Variants in SASH1 observed in about 807,000 individuals in gnomAD.
The protein encoded by SASH1 is SAM and SH3 domain-containing protein 1.
SASH1 carries 44 observed loss-of-function variants against 125.2 expected under a neutral mutation model. That is an observed-to-expected ratio of 0.35 (90% CI 0.28 to 0.45). The LOEUF (loss-of-function observed/expected upper bound fraction) is 0.45. Ranked by LOEUF, SASH1 falls within the 20% of genes least tolerant of loss-of-function variation. SASH1 has a pLI of 1.00. For missense variants in SASH1, 1,426 were observed against 1,614.5 expected (o/e 0.88, Z 2.00); for synonymous variants, 639 against 649.1 (o/e 0.98, Z 0.24).
chr6:148,536,835 G>C (rs1435551824), intron 16 of SASH1, among the ~76,000 whole-genome samples: 1 of 152,150 alleles, frequency 6.6e-6, no homozygotes, highest in Admixed American at 6.5e-5. Context: ...GGAGGGTATC[G>C]CTATCCATCA....
At chr6:148,294,160 T>A (rs995514082) in intron 1 of SASH1, among the ~76,000 whole-genome samples, 4 of 152,228 alleles carry the variant, frequency 2.6e-5, no homozygotes, top group Non-Finnish European at 5.9e-5. Flanking sequence ...AGAGGCGTGC[T>A]TGGATTTTGC....
At chr6:148,290,560 C>T (rs1407193872) in intron 1 of SASH1, among the ~76,000 whole-genome samples, 2 of 151,978 alleles carry the variant, frequency 1.3e-5, no homozygotes, top group African/African-American at 4.8e-5. Flanking sequence ...GAGCCAAGAT[C>T]GTGCCACTGC....
chr6:148,366,423 A>G (rs763528682), intron 1 of SASH1, among the ~76,000 whole-genome samples: 48 of 152,186 alleles, frequency 3.2e-4, no homozygotes, highest in Non-Finnish European at 5.6e-4. Context: ...CGAGCAGACA[A>G]CAGAACAAGA....
chr6:148,315,829 G>C lies in SASH1; in HGVS notation n.74+43452G>C, dbSNP rs538942603. On this transcript the variant is annotated intron_variant and non_coding_transcript_variant, in intron 1 of 3. Coordinates refer to the SASH1 transcript ENST00000367469. Reference sequence around the variant, plus strand: ...TGAGATAGAAGGATCACTTGAGCCTGGGAGGTCGAGGTTTCAGTGAGCCAT... The same window carrying C: ...TGAGATAGAAGGATCACTTGAGCCTCGGAGGTCGAGGTTTCAGTGAGCCAT... 8.7e-4 allele frequency among the ~76,000 whole-genome samples: 132 copies of C among 152,278 alleles called. No homozygotes were observed. In the Middle Eastern group the frequency reaches 0.01, roughly 12 times the overall value.
At chr6:148,346,853 C>T (rs1781538166) in intron 1 of SASH1, among the ~76,000 whole-genome samples, 1 of 152,184 alleles carries the variant, frequency 6.6e-6, no homozygotes, top group African/African-American at 2.4e-5. Context: ...CCTTGGCGTT[C>T]TTGTGAAATG....
chr6:148,298,563 C>G (rs1779825120), intron 1 of SASH1, among the ~76,000 whole-genome samples: 1 of 150,050 alleles, frequency 6.7e-6, no homozygotes, highest in African/African-American at 2.5e-5. Flanking sequence ...ATCACTTGAG[C>G]CTGGGAGGTA....
intron 12 of SASH1, 57 bp from the exon 13 acceptor site, chr6:148,531,469 C>T: frequency 5.8e-6 from 8 of 1,383,624 alleles, no homozygotes; most frequent in Non-Finnish European, 7.6e-6. Context: ...CTGAGAATTA[C>T]AAAACAACAC....
At chr6:148,239,093 G>A in the SASH1 span, among the ~76,000 whole-genome samples, 1 of 152,144 alleles carries the variant, frequency 6.6e-6, no homozygotes, top group Non-Finnish European at 1.5e-5. Context: ...CTCTATCACG[G>A]GACCTCATTT....
At chr6:148,508,115 A>G (rs1166183758) in intron 8 of SASH1, among the ~76,000 whole-genome samples, 1 of 152,192 alleles carries the variant, frequency 6.6e-6, no homozygotes, top group East Asian at 1.9e-4. Context: ...CATTAAAACA[A>G]TTTGTTAAGA....
intron 7 of SASH1, 28 bp from the exon 8 acceptor site, chr6:148,487,586 T>C (rs765891628): frequency 1.3e-6 from 2 of 1,551,606 alleles, no homozygotes; most frequent in South Asian, 2.2e-5. Flanking sequence ...ATTCTTTCCA[T>C]TTCAGTATCC....
At position 148,361,368 on chromosome 6, in the gene SASH1, C is replaced by A. The variant is rs150868794; in HGVS notation, c.156+18145C>A. ...ATCCCAGCACTTTGGGAGGGCAAGG[C>A]GGGTGGATCACCTGAGGTCAGGAGT... On this transcript the variant is annotated intron_variant, in intron 1 of 19. Transcript: ENST00000367467. Among the ~76,000 whole-genome samples the A allele has an allele frequency of 1.8e-3, 272 of 152,182 alleles. 5 individuals are homozygous for A. The highest frequency in any genetic ancestry group is 4.3e-3 in the East Asian group (22 of 5,164).
the SASH1 span, among the ~76,000 whole-genome samples, chr6:148,254,310 G>C: frequency 6.6e-6 from 1 of 152,066 alleles, no homozygotes; most frequent in East Asian, 1.9e-4. Flanking sequence ...AATATACAAA[G>C]AGTGATAACA....
the SASH1 span, among the ~76,000 whole-genome samples, chr6:148,196,483 ACT>A: frequency 6.6e-6 from 1 of 152,052 alleles, no homozygotes; most frequent in African/African-American, 2.4e-5. Flanking sequence ...GACAGTGGTA[ACT>A]CTCTGCATAG....
chr6:148,508,154 A>G (rs2115300141), intron 8 of SASH1, among the ~76,000 whole-genome samples: 1 of 152,314 alleles, frequency 6.6e-6, no homozygotes, highest in South Asian at 2.1e-4. Context: ...TGAAGGGGAA[A>G]TATCCTACAT....
upstream of SASH1, among the ~76,000 whole-genome samples, chr6:148,341,138 A>C (rs1781308104): frequency 6.6e-6 from 1 of 151,846 alleles, no homozygotes; most frequent in Admixed American, 6.6e-5. Context: ...TCTCTAAAAA[A>C]ATTTTTCAGC....
rs189593428 is a variant in SASH1, at chr6:148,352,470, G to A, written c.156+9247G>A. 3.5e-3 allele frequency among the ~76,000 whole-genome samples: 534 copies of A among 152,014 alleles called. 3 individuals are homozygous for A. Among genetic ancestry groups the A allele is most frequent in the African/African-American group, 0.012 (505 of 41,488 alleles). Reference sequence around the variant, plus strand: ...AAATTAGCCAGGCATAGTGGCAGGCGCCTGTAGTCCCAGCTACTTAAGAGG... The same window carrying A: ...AAATTAGCCAGGCATAGTGGCAGGCACCTGTAGTCCCAGCTACTTAAGAGG... On this transcript the variant is annotated intron_variant, in intron 1 of 19. Transcript: ENST00000367467.
intron 17 of SASH1, among the ~76,000 whole-genome samples, chr6:148,542,514 G>A (rs1431391451): frequency 6.6e-6 from 1 of 152,152 alleles, no homozygotes; most frequent in Non-Finnish European, 1.5e-5. Context: ...AGCCTCCCGA[G>A]TAGCTGGGAC....
intron 7 of SASH1, among the ~76,000 whole-genome samples, chr6:148,474,717 G>A (rs1459570393): frequency 1.3e-5 from 2 of 152,252 alleles, no homozygotes; most frequent in Non-Finnish European, 1.5e-5. Context: ...GACCACAGGT[G>A]TGTGACACCA....
chr6:148,310,504 C>G (rs1364184212), intron 1 of SASH1, among the ~76,000 whole-genome samples: 2 of 148,522 alleles, frequency 1.3e-5, no homozygotes, highest in Non-Finnish European at 3.0e-5. Flanking sequence ...GTCACTAAAA[C>G]AAGATATGAT....
Sources: gnomAD v4.1 joint callset for allele counts (sites outside exome capture counted in the v4.1 genomes callset) on GRCh38, gnomAD v4.1.1 for gene constraint, MANE v1.5 for transcripts, NCBI Gene and HGNC (gene_info 2026-07-23, HGNC 2026-07-21) for gene names.